Variants in SLC2A12 observed in about 807,000 individuals in gnomAD.
The protein encoded by SLC2A12 is solute carrier family 2 member 12, also known as solute carrier family 2, facilitated glucose transporter member 12.
SLC2A12 carries 23 observed loss-of-function variants against 41.8 expected under a neutral mutation model. The observed-to-expected ratio is 0.55, with a 90% CI of 0.40 to 0.78. The LOEUF is 0.78. SLC2A12 is among the 30% of genes least tolerant of loss of function. The pLI is 0.00. For missense variants in SLC2A12, 654 were observed against 745.6 expected (o/e 0.88, Z 1.43); for synonymous variants, 295 against 285.9 (o/e 1.03, Z -0.32).
Position 133,988,120 on chromosome 6 carries a change from A to G in SLC2A12, c.*3035T>C, listed in dbSNP as rs1327129126. 1.3e-5 allele frequency: 2 copies of G among 152,248 alleles called. No homozygotes were observed. Among genetic ancestry groups the G allele is most frequent in the Non-Finnish European group, 2.9e-5 (2 of 68,056 alleles). 9.4% of individuals were successfully genotyped at this position (152,248 alleles called of 1,614,324 possible). A position where few individuals can be genotyped will look rare whatever the true frequency, so the allele number is the denominator to read the frequency against. ...GCTGCCTCTGTGCCACAGTGTAATT[A>G]TCAAATAGCCCCACTTGAATTTGAA... is the stretch of plus-strand genomic sequence containing the variant. On this transcript the variant is annotated 3_prime_UTR_variant, in exon 5 of 5. Coordinates refer to ENST00000275230, the MANE Select transcript of SLC2A12 (RefSeq NM_145176.3).
In SLC2A12 at chr6:134,002,079, C is replaced by T; in HGVS notation, c.1618G>A (p.Ala540Thr). 1 of 1,602,958 alleles carries T rather than the reference C, an allele frequency of 6.2e-7. No individual in the cohort carries two copies. Residue 540 changes from alanine (A) to threonine (T), a missense_variant, in exon 4 of 5, where the codon GCA (alanine) becomes ACA (threonine). Ala to Thr is a moderately conservative substitution (Grantham distance 58). This residue lies in a region of SLC2A12 where 134 missense variants were observed against 180.5 expected (regional missense o/e 0.74). Coordinates refer to ENST00000275230, the MANE Select transcript of SLC2A12 (RefSeq NM_145176.3). The stretch of plus-strand genomic sequence containing the variant: ...AACATAACAACAAAAAGCAGGGATG[C>T]TAGACTCATGATTGTATATATAAAG... ...VCFIYTIMSL[A>T]SLLFVVMFIP...
chr6:134,001,142 T>C (rs1050196387), intron 4 of SLC2A12, among the ~76,000 whole-genome samples: 8 of 150,628 alleles, frequency 5.3e-5, no homozygotes, highest in African/African-American at 2.0e-4. Flanking sequence ...CACCCGTTGG[T>C]TGGGGACTGG....
intron 2 of SLC2A12, among the ~76,000 whole-genome samples, chr6:134,011,711 G>A (rs1021451763): frequency 6.6e-6 from 1 of 151,990 alleles, no homozygotes; most frequent in Admixed American, 6.6e-5. Context: ...CAGCCCAAGT[G>A]TCAGAGTGAG....
chr6:133,992,303 T>A (rs1451203689), intron 4 of SLC2A12, among the ~76,000 whole-genome samples: 1 of 152,178 alleles, frequency 6.6e-6, no homozygotes, highest in African/African-American at 2.4e-5. Flanking sequence ...GGTTAGAAGA[T>A]CTTGTGGCAG....
intron 2 of SLC2A12, among the ~76,000 whole-genome samples, chr6:134,015,580 G>C (rs1369579270): frequency 6.6e-6 from 1 of 152,152 alleles, no homozygotes; most frequent in East Asian, 1.9e-4. Flanking sequence ...CATAAGAATG[G>C]TGGAAGAGGA....
rs147278916 is a variant in SLC2A12 at position 134,041,946 on chromosome 6, A to G, written c.103+10432T>C. ...GTGTGAGCCTTGGTGAGCCATGGAC[A>G]TTTGAAAACCGACATCTCCGAAAGG... On this transcript the variant is annotated intron_variant, in intron 1 of 4. Transcript: ENST00000275230. Among the ~76,000 whole-genome samples the G allele has an allele frequency of 1.2e-3, 177 of 152,294 alleles. 1 individual carries two copies. The highest frequency in any genetic ancestry group is 2.1e-3 in the Non-Finnish European group (143 of 68,024).
At chr6:133,996,463 T>C (rs1562189672) in intron 4 of SLC2A12, among the ~76,000 whole-genome samples, 1 of 152,234 alleles carries the variant, frequency 6.6e-6, no homozygotes, top group Non-Finnish European at 1.5e-5. Context: ...GTTTATTTTA[T>C]AAGAAACTTA....
chr6:134,043,977 C>G (rs1180314518), intron 1 of SLC2A12, among the ~76,000 whole-genome samples: 1 of 152,084 alleles, frequency 6.6e-6, no homozygotes, highest in African/African-American at 2.4e-5. Flanking sequence ...CTGCTTTGAA[C>G]TCTGTGCTCC....
intron 1 of SLC2A12, among the ~76,000 whole-genome samples, chr6:134,050,402 T>C (rs552751728): frequency 6.6e-6 from 1 of 152,366 alleles, no homozygotes; most frequent in South Asian, 2.1e-4. Flanking sequence ...TAAAATTAAA[T>C]TTGAAAGATA....
chr6:134,021,129 T>C (rs1473956188), intron 2 of SLC2A12, among the ~76,000 whole-genome samples: 2 of 152,214 alleles, frequency 1.3e-5, no homozygotes, highest in Non-Finnish European at 2.9e-5. Flanking sequence ...TGGATTGTTC[T>C]GCAAAAAGCC....
intron 1 of SLC2A12, among the ~76,000 whole-genome samples, chr6:134,040,368 C>T (rs1198010797): frequency 6.6e-6 from 1 of 152,134 alleles, no homozygotes; most frequent in Non-Finnish European, 1.5e-5. Flanking sequence ...TGTGAGCCAC[C>T]ACGCCAGGTC....
chr6:134,027,274 C>T (rs143422089), intron 2 of SLC2A12, among the ~76,000 whole-genome samples: 3 of 152,320 alleles, frequency 2.0e-5, no homozygotes, highest in East Asian at 1.9e-4. Flanking sequence ...CCCTACATGG[C>T]CTTCTTTCCA....
chr6:134,019,499 T>C (rs1405318617), intron 2 of SLC2A12, among the ~76,000 whole-genome samples: 17 of 152,136 alleles, frequency 1.1e-4, no homozygotes, highest in Admixed American at 9.2e-4. Context: ...CCAGAAACAG[T>C]GGGGAGTCGA....
chr6:134,029,184 A>G lies in SLC2A12; in HGVS notation c.641T>C (p.Met214Thr). 6.2e-7 allele frequency: 1 copy of G among 1,614,152 alleles called. No individual in the cohort carries two copies. Among genetic ancestry groups the G allele is most frequent in the Non-Finnish European group, 8.5e-7 (1 of 1,180,038 alleles). Residue 214 changes from methionine to threonine, a missense_variant, in exon 2 of 5, where the codon ATG (methionine) becomes ACG (threonine). This residue lies in a region of SLC2A12 where 411 missense variants were observed against 412.1 expected (regional missense o/e 1.00). Transcript: ENST00000275230. ...CCGAGGGCTTGGAGGAAGAAAATAC[A>G]TTGCAATTGCTTGCAAAACTCCCAA... is the stretch of plus-strand genomic sequence containing the variant. ...IPLGVLQAIA[M>T]YFLPPSPRFL...
chr6:134,029,424 A>G lies in SLC2A12; in HGVS notation c.401T>C (p.Ile134Thr), dbSNP rs749753052. 15 of 1,614,042 alleles carry G rather than the reference A, an allele frequency of 9.3e-6. No individual in the cohort carries two copies. The highest frequency in any genetic ancestry group is 1.1e-5 in the Non-Finnish European group (13 of 1,180,036). ...LILSLSYTVL[I>T]VGRIAIGVSI... ...GACCCCTATGGCAATGCGTCCCACT[A>G]TAAGAACCGTGTAGGATAAACTGAG... Residue 134 changes from isoleucine to threonine, a missense_variant, in exon 2 of 5, where the codon ATA (isoleucine) becomes ACA (threonine). This residue lies in a region of SLC2A12 where 411 missense variants were observed against 412.1 expected (regional missense o/e 1.00). Coordinates refer to ENST00000275230, the MANE Select transcript of SLC2A12 (RefSeq NM_145176.3).
At chr6:134,033,296 A>T (rs1777247346) in intron 1 of SLC2A12, among the ~76,000 whole-genome samples, 1 of 152,118 alleles carries the variant, frequency 6.6e-6, no homozygotes, top group African/African-American at 2.4e-5. Context: ...CTTTTTTGGC[A>T]TGCAAAATGA....
chr6:134,044,753 A>AC (rs767474232), intron 1 of SLC2A12, among the ~76,000 whole-genome samples: 142 of 147,358 alleles, frequency 9.6e-4, no homozygotes, highest in South Asian at 4.1e-3. Flanking sequence ...TCTTAGATAC[A>AC]TTTTTTTTTA....
chr6:133,996,807 G>A (rs918706037), intron 4 of SLC2A12, among the ~76,000 whole-genome samples: 33 of 152,096 alleles, frequency 2.2e-4, no homozygotes, highest in African/African-American at 7.5e-4. Context: ...TAACTAATTT[G>A]ATAACTTACT....
intron 2 of SLC2A12, among the ~76,000 whole-genome samples, chr6:134,013,070 G>C (rs887977603): frequency 6.6e-6 from 1 of 152,190 alleles, no homozygotes; most frequent in East Asian, 1.9e-4. Context: ...TTACTCTACT[G>C]TACTGCATTT....
Sources: allele counts gnomAD v4.1 joint callset (sites outside exome capture counted in the v4.1 genomes callset), GRCh38; gene constraint gnomAD v4.1.1; regional missense constraint gnomAD v4.1.1; transcripts MANE v1.5; gene names NCBI Gene and HGNC (gene_info 2026-07-23, HGNC 2026-07-21).